Variants in BAG3 observed in about 807,000 individuals in gnomAD.
BAG3 encodes the protein BAG family molecular chaperone regulator 3.
In BAG3, 14 loss-of-function variants were observed where a neutral mutation model predicts 40.5. That is an observed-to-expected ratio of 0.35 (90% CI 0.23 to 0.54). The LOEUF is 0.54. Ranked by LOEUF, BAG3 falls within the 20% of genes least tolerant of loss-of-function variation. The probability of loss-of-function intolerance (pLI) is 0.91; values close to 1 mark genes in which losing one functional copy is unlikely to be tolerated. For synonymous variants in BAG3, 302 were observed against 307.8 expected (o/e 0.98, Z 0.20); for missense variants, 788 against 758.6 (o/e 1.04, Z -0.46).
At position 119,672,309 on chromosome 10, in the gene BAG3, C is replaced by G; in HGVS notation, c.562C>G (p.Leu188Val). 1 of 1,614,066 alleles carries G rather than the reference C, an allele frequency of 6.2e-7. No homozygotes were observed. Among genetic ancestry groups the G allele is most frequent in the Non-Finnish European group, 8.5e-7 (1 of 1,180,032 alleles). The change falls in exon 3 of 4, where the codon CTG becomes GTG. Residue 188 changes from leucine (L) to valine (V), a missense_variant. Physicochemically the swap from Leu to Val is conservative, Grantham distance 32. Coordinates refer to ENST00000369085, the MANE Select transcript of BAG3 (RefSeq NM_004281.4). This position sits in a 1 kb window ranked among gnomAD's most constrained non-coding sequence, Gnocchi z 4.8. ...DCSSSSSSAS[L>V]PSSGRSSLGS... ...CTCATCCTCATCCTCCTCGGCCAGC[C>G]TGCCTTCCTCCGGCAGGAGCAGCCT...
intron 1 of BAG3, among the ~76,000 whole-genome samples, chr10:119,659,008 T>C (rs547516749): frequency 3.9e-5 from 6 of 152,278 alleles, no homozygotes; most frequent in African/African-American, 1.4e-4. Flanking sequence ...CCTGGGGTCT[T>C]GTTTCTTAGA....
chr10:119,662,038 CTTTGTTT>C (rs1229814652), intron 1 of BAG3, among the ~76,000 whole-genome samples: 1 of 151,916 alleles, frequency 6.6e-6, no homozygotes, highest in African/African-American at 2.4e-5. Context: ...TCCAGTTGCA[CTTTGTTT>C]TTTGTTTTGG....
intron 1 of BAG3, among the ~76,000 whole-genome samples, chr10:119,664,664 T>C (rs1299229285): frequency 6.6e-6 from 1 of 152,100 alleles, no homozygotes; most frequent in Non-Finnish European, 1.5e-5. Flanking sequence ...CCCGCTTGAA[T>C]CAGGAAGGGG....
At chr10:119,669,307 G>A (rs1332806009) in intron 1 of BAG3, among the ~76,000 whole-genome samples, 1 of 152,226 alleles carries the variant, frequency 6.6e-6, no homozygotes, top group East Asian at 1.9e-4. Context: ...CCTGCAAATT[G>A]TTCTAACAAT....
chr10:119,669,861 C>T lies in BAG3; in HGVS notation c.191C>T (p.Ser64Phe), dbSNP rs780615753. The change falls in exon 2 of 4, where the codon TCC becomes TTC. Residue 64 changes from serine to phenylalanine, a missense_variant. Transcript: ENST00000369085. ...VPSEGPKETP[S>F]SANGPSREGS... The stretch of plus-strand genomic sequence containing the variant: ...CACTTTTTATTTCAGGAGACTCCAT[C>T]CTCTGCCAATGGCCCTTCCCGGGAG... The T allele has an allele frequency of 1.7e-5, 27 of 1,614,064 alleles. No homozygotes were observed. Among genetic ancestry groups the T allele is most frequent in the Middle Eastern group, 1.6e-4 (1 of 6,084 alleles).
At chr10:119,664,441 G>A (rs1339055344) in intron 1 of BAG3, among the ~76,000 whole-genome samples, 2 of 152,152 alleles carry the variant, frequency 1.3e-5, no homozygotes, top group African/African-American at 4.8e-5. Flanking sequence ...CTGAGCCCCT[G>A]GGCTCTTCTT....
chr10:119,675,911 T>TTTCCCCCCTTCCCC (rs1564776238), intron 3 of BAG3, among the ~76,000 whole-genome samples: 7 of 6,276 alleles, frequency 1.1e-3, no homozygotes, highest in Middle Eastern at 0.1. Context: ...CCCCCTTCCT[T>TTTCCCCCCTTCCCC]CCTTCCTTCC....
chr10:119,661,228 C>G (rs1004595407), intron 1 of BAG3, among the ~76,000 whole-genome samples: 4 of 152,108 alleles, frequency 2.6e-5, no homozygotes, highest in Admixed American at 6.5e-5. Context: ...CCATTGCACT[C>G]TAGCCTGGGC....
chr10:119,665,052 G>T (rs2134059872), intron 1 of BAG3, among the ~76,000 whole-genome samples: 1 of 141,222 alleles, frequency 7.1e-6, no homozygotes, highest in East Asian at 2.0e-4. Flanking sequence ...CGAGTAGCTG[G>T]GATTACAGGC....
intron 1 of BAG3, among the ~76,000 whole-genome samples, chr10:119,666,547 T>TGTGCTCAGTGAGATGCATGAG (rs1847070175): frequency 6.6e-6 from 1 of 150,748 alleles, no homozygotes; most frequent in South Asian, 2.1e-4. Context: ...AGGCACAAAA[T>TGTGCTCAGTGAGATGCATGAG]GTGCTCAGCG....
At chr10:119,673,407 T>G (rs879854935) in intron 3 of BAG3, among the ~76,000 whole-genome samples, 1 of 152,192 alleles carries the variant, frequency 6.6e-6, no homozygotes, top group Non-Finnish European at 1.5e-5. Context: ...ATCAGCCAGC[T>G]ATGGCGGATT....
intron 1 of BAG3, among the ~76,000 whole-genome samples, chr10:119,661,520 T>C (rs1213257697): frequency 1.3e-5 from 2 of 152,198 alleles, no homozygotes; most frequent in African/African-American, 4.8e-5. Flanking sequence ...GGTTCATTCC[T>C]GTTTATTTGG....
chr10:119,670,007 G>A lies in BAG3; in HGVS notation c.337G>A (p.Val113Ile), dbSNP rs781093275. ...AENRQVHPFH[V>I]YPQPGMQRFR... ...GAACCGGCAGGTGCACCCTTTCCAT[G>A]TCTATCCCCAGCCTGGGATGCAGCG... Residue 113 changes from valine (V) to isoleucine (I), a missense_variant, in exon 2 of 4, where the codon GTC becomes ATC. By Grantham distance (29) the Val-to-Ile change is conservative (BLOSUM62 3). Coordinates refer to ENST00000369085, the MANE Select transcript of BAG3 (RefSeq NM_004281.4). 1.4e-5 allele frequency: 23 copies of A among 1,614,212 alleles called. No individual in the cohort carries two copies. Among genetic ancestry groups the A allele is most frequent in the Middle Eastern group, 3.3e-4 (2 of 6,062 alleles).
chr10:119,675,760 CTTCCTTCCCTCCTTCCCTCCCCCT>C (rs1847209609), intron 3 of BAG3, among the ~76,000 whole-genome samples: 1 of 97,418 alleles, frequency 1.0e-5, no homozygotes, highest in African/African-American at 3.9e-5. Context: ...TCTTTCCTTC[CTTCCTTCCCTCCTTCCCTCCCCCT>C]CCCTTCCCCC....
intron 1 of BAG3, among the ~76,000 whole-genome samples, chr10:119,665,104 G>C (rs1315616958): frequency 2.8e-4 from 21 of 74,558 alleles, no homozygotes; most frequent in Non-Finnish European, 1.2e-4. Context: ...GTGTGTGTGT[G>C]TGTGTGTGTG....
intron 1 of BAG3, among the ~76,000 whole-genome samples, chr10:119,656,455 A>G (rs1846913037): frequency 7.1e-6 from 1 of 141,520 alleles, no homozygotes; most frequent in South Asian, 2.2e-4. Context: ...ATCTTGGCTC[A>G]CTGCAACCTC....
chr10:119,676,818 G>A lies in BAG3; in HGVS notation c.1264G>A (p.Val422Met), dbSNP rs371476147. The A allele has an allele frequency of 4.3e-6, 7 of 1,614,082 alleles. No homozygotes were observed. The African/African-American group carries it at 8.0e-5, about 18-fold the overall frequency. Residue 422 changes from valine to methionine, a missense_variant, in exon 4 of 4, where the codon GTG becomes ATG. By Grantham distance (21) the Val-to-Met change is conservative (BLOSUM62 1). Transcript: ENST00000369085. ...CGAGGCTCCCCCAAAACATCCAGGA[G>A]TGCTGAAAGTGGAAGCCATCCTGGA... is the stretch of plus-strand genomic sequence containing the variant. ...EAEAPPKHPG[V>M]LKVEAILEKV...
chr10:119,669,891 C>G lies in BAG3; in HGVS notation c.221C>G (p.Ser74Cys), dbSNP rs773383623. 1.9e-6 allele frequency: 3 copies of G among 1,614,212 alleles called. No homozygotes were observed. Among genetic ancestry groups the G allele is most frequent in the Non-Finnish European group, 2.5e-6 (3 of 1,180,044 alleles). The change falls in exon 2 of 4, where the codon TCT becomes TGT. Residue 74 changes from serine to cysteine, a missense_variant. By Grantham distance (112) the Ser-to-Cys change is moderately radical (BLOSUM62 -1). Transcript: ENST00000369085. ...SSANGPSREG[S>C]RLPPAREGHP... Reference sequence around the variant, plus strand: ...GCCAATGGCCCTTCCCGGGAGGGCTCTAGGCTGCCGCCTGCTAGGGAAGGC... The same window carrying G: ...GCCAATGGCCCTTCCCGGGAGGGCTGTAGGCTGCCGCCTGCTAGGGAAGGC...
At chr10:119,671,609 T>C (rs1257726717) in intron 2 of BAG3, among the ~76,000 whole-genome samples, 1 of 152,186 alleles carries the variant, frequency 6.6e-6, no homozygotes. Flanking sequence ...GGCCTGGGGC[T>C]GAGGCACATG....
Sources: gnomAD v4.1 joint callset for allele counts (sites outside exome capture counted in the v4.1 genomes callset) on GRCh38, gnomAD v4.1.1 for gene constraint, Gnocchi (gnomAD v3.1) non-coding constraint, MANE v1.5 for transcripts, NCBI Gene and HGNC (gene_info 2026-07-23, HGNC 2026-07-21) for gene names.